ATAD1: variants seen among roughly 807,000 people sequenced by gnomAD.
ATAD1 encodes ATPase family AAA domain containing 1.
Under a neutral mutation model 42.7 loss-of-function variants are expected in ATAD1, and 18 were observed. The observed-to-expected ratio is 0.42, with a 90% CI of 0.29 to 0.63. The LOEUF (loss-of-function observed/expected upper bound fraction) is 0.63. Ranked by LOEUF, ATAD1 falls within the 20% of genes least tolerant of loss-of-function variation. The probability of loss-of-function intolerance (pLI) is 0.19; values close to 1 mark genes in which losing one functional copy is unlikely to be tolerated. For synonymous variants in ATAD1, 132 were observed against 143.1 expected (o/e 0.92, Z 0.55); for missense variants, 294 against 440.4 (o/e 0.67, Z 2.98).
intron 4 of ATAD1, among the ~76,000 whole-genome samples, chr10:87,785,314 C>T (rs769796519): frequency 1.3e-5 from 2 of 151,424 alleles, no homozygotes; most frequent in African/African-American, 4.8e-5. Context: ...TTTTGGGAAC[C>T]ACCACCAACT....
intron 2 of ATAD1, among the ~76,000 whole-genome samples, chr10:87,799,910 TGTAAAAA>T (rs960501462): frequency 1.6e-4 from 25 of 151,830 alleles, no homozygotes; most frequent in Admixed American, 4.6e-4. Context: ...TAAAGAAAGT[TGTAAAAA>T]TAAAGAGGGT....
At position 87,775,260 on chromosome 10, in the gene ATAD1, A is replaced by C. The variant is rs142557820; in HGVS notation, c.690+1061T>G. ...ACATAGTGAAACCCAGTCTCTACTA[A>C]AAATACAAAAATTAGCTGGGCATGG... is the stretch of plus-strand genomic sequence containing the variant. On this transcript the variant is annotated intron_variant, in intron 6 of 9. Transcript: ENST00000680024. Among the ~76,000 whole-genome samples the C allele has an allele frequency of 3.9e-3, 585 of 151,570 alleles. 3 individuals carry two copies. The highest frequency in any genetic ancestry group is 7.6e-3 in the South Asian group (36 of 4,750).
chr10:87,786,173 T>C (rs1051309931), intron 4 of ATAD1, among the ~76,000 whole-genome samples: 2 of 152,200 alleles, frequency 1.3e-5, no homozygotes, highest in East Asian at 1.9e-4. Context: ...TAATTTAATA[T>C]AGAATGCATA....
At chr10:87,817,139 G>T (rs1857453795) in intron 1 of ATAD1, among the ~76,000 whole-genome samples, 1 of 152,168 alleles carries the variant, frequency 6.6e-6, no homozygotes, top group African/African-American at 2.4e-5. Context: ...ATCCTTCAAT[G>T]AAACTGAAAC....
rs1385173241 is a variant in ATAD1 at position 87,758,071 on chromosome 10, TA to T, written c.832-1150del. Among the ~76,000 whole-genome samples the T allele has an allele frequency of 5.9e-5, 9 of 152,162 alleles. No homozygotes were observed. The East Asian group carries it at 1.5e-3, about 26-fold the overall frequency. Reference sequence around the variant, plus strand: ...AAATAAACTTTAGCTATATAAATAGTAGTAATAATAGTTATTATAGTAGTCA... The same window carrying T: ...AAATAAACTTTAGCTATATAAATAGTGTAATAATAGTTATTATAGTAGTCA... On this transcript the variant is annotated intron_variant, in intron 8 of 9. Transcript: ENST00000680024.
chr10:87,798,657 T>TGTGTG (rs1349200937), intron 2 of ATAD1, among the ~76,000 whole-genome samples: 2 of 150,030 alleles, frequency 1.3e-5, no homozygotes, highest in East Asian at 1.9e-4. Flanking sequence ...TGTGTGTGTA[T>TGTGTG]TTAAAATGCC....
intron 2 of ATAD1, among the ~76,000 whole-genome samples, chr10:87,798,625 GGTGTGT>G (rs71022506): frequency 7.3e-4 from 91 of 124,934 alleles, no homozygotes; most frequent in African/African-American, 2.4e-3. Flanking sequence ...AGCTATAGGG[GGTGTGT>G]GTGTGTGTGT....
intron 7 of ATAD1, among the ~76,000 whole-genome samples, chr10:87,767,999 C>T (rs969681985): frequency 1.3e-5 from 2 of 152,046 alleles, no homozygotes; most frequent in African/African-American, 4.8e-5. Context: ...AAATGAATAT[C>T]TATGACTATA....
upstream of ATAD1, among the ~76,000 whole-genome samples, chr10:87,820,847 C>T (rs1857619334): frequency 1.3e-5 from 2 of 152,184 alleles, no homozygotes; most frequent in Admixed American, 6.5e-5. Context: ...TTCCAGAATA[C>T]AGCAGAGTGA....
At position 87,753,541 on chromosome 10, in the gene ATAD1, C is replaced by A. The variant is rs1479322291; in HGVS notation, c.*1146G>T. The A allele has an allele frequency of 6.6e-6, 1 of 152,396 alleles. No individual in the cohort carries two copies. Among genetic ancestry groups the A allele is most frequent in the African/African-American group, 2.4e-5 (1 of 41,408 alleles). The allele number at this position is 152,396 out of a possible 1,614,324, so 9.4% of individuals were successfully genotyped here. A position where few individuals can be genotyped will look rare whatever the true frequency, so the allele number is the denominator to read the frequency against. ...TTAGTAAAATTTTGAAAAAAATTCA[C>A]ATATAATTCACATTAAACGACTACA... On this transcript the variant is annotated 3_prime_UTR_variant, in exon 10 of 10. Transcript: ENST00000680024.
At chr10:87,835,712 T>C (rs1264926194) in intron 1 of ATAD1, among the ~76,000 whole-genome samples, 2 of 152,136 alleles carry the variant, frequency 1.3e-5, no homozygotes, top group Non-Finnish European at 2.9e-5. Context: ...ATTTGTTTCC[T>C]TTATTTTCTT....
At position 87,829,768 on chromosome 10, in the gene ATAD1, A is replaced by G. The variant is rs138126455; in HGVS notation, c.-14+11419T>C. ...CTGAAGATGTGACTGAATTGCTGCC[A>G]TCCCCTGATAAAACTTGATGAGCTG... On this transcript the variant is annotated intron_variant, in intron 1 of 4. Coordinates refer to the ATAD1 transcript ENST00000495903. Among the ~76,000 whole-genome samples the G allele has an allele frequency of 9.4e-3, 1,433 of 152,354 alleles. 25 individuals carry two copies. Among genetic ancestry groups the G allele is most frequent in the African/African-American group, 0.032 (1,349 of 41,576 alleles).
chr10:87,754,519 A>T lies in ATAD1; in HGVS notation c.*168T>A. ...TCCTCATGATTTTTGACCAACAGTA[A>T]TACCACCTATGTAACAACTATATCT... is the stretch of plus-strand genomic sequence containing the variant. On this transcript the variant is annotated 3_prime_UTR_variant, in exon 10 of 10. Transcript: ENST00000680024. 1 of 754,664 alleles carries T rather than the reference A, an allele frequency of 1.3e-6. No homozygotes were observed. Among genetic ancestry groups the T allele is most frequent in the Non-Finnish European group, 1.9e-6 (1 of 525,288 alleles). The allele number at this position is 754,664 out of a possible 1,614,324, so 46.7% of individuals were successfully genotyped here.
chr10:87,765,254 G>T (rs1017493097), intron 8 of ATAD1, among the ~76,000 whole-genome samples: 1 of 152,042 alleles, frequency 6.6e-6, no homozygotes, highest in Non-Finnish European at 1.5e-5. Flanking sequence ...CTCTACTAAG[G>T]TTCATTCACT....
At chr10:87,772,561 T>C (rs551850391) in intron 6 of ATAD1, among the ~76,000 whole-genome samples, 10 of 151,832 alleles carry the variant, frequency 6.6e-5, no homozygotes, top group African/African-American at 2.4e-4. Flanking sequence ...CAAAAGACAC[T>C]GTGGTTAAGT....
At chr10:87,823,716 G>C (rs1378357289) in intron 1 of ATAD1, among the ~76,000 whole-genome samples, 1 of 152,200 alleles carries the variant, frequency 6.6e-6, no homozygotes, top group African/African-American at 2.4e-5. Context: ...TTTTCAGGAT[G>C]CACTTGGCTT....
At chr10:87,776,242 G>T in intron 6 of ATAD1, 79 bp downstream of exon 6, 2 of 1,021,644 alleles carry the variant, frequency 2.0e-6, no homozygotes, top group Non-Finnish European at 3.0e-6. Flanking sequence ...TTGTACAAAA[G>T]CATAGTAAGT....
chr10:87,800,333 T>G (rs1325087368), intron 2 of ATAD1, among the ~76,000 whole-genome samples: 1 of 152,090 alleles, frequency 6.6e-6, no homozygotes, highest in African/African-American at 2.4e-5. Context: ...TTTAGTTTTC[T>G]CTCTCCTTTT....
At chr10:87,820,924 C>T (rs1857620105), upstream of ATAD1, among the ~76,000 whole-genome samples, 2 of 152,204 alleles carry the variant, frequency 1.3e-5, no homozygotes, top group African/African-American at 4.8e-5. Flanking sequence ...ATATTTGGCC[C>T]ACAGTAGGGG....
Sources: gnomAD v4.1 joint callset for allele counts (sites outside exome capture counted in the v4.1 genomes callset) on GRCh38, gnomAD v4.1.1 for gene constraint, MANE v1.5 for transcripts, NCBI Gene and HGNC (gene_info 2026-07-23, HGNC 2026-07-21) for gene names.